The following COL4A5 variants were observed in gnomAD, a reference collection of about 807,000 sequenced individuals.
COL4A5 encodes the protein collagen alpha-5(IV) chain.
Under a neutral mutation model 130.2 loss-of-function variants are expected in COL4A5, and 26 were observed. That is an observed-to-expected ratio of 0.20 (90% CI 0.15 to 0.28). The LOEUF (loss-of-function observed/expected upper bound fraction) is 0.28, where lower values mean the gene tolerates loss of function less well. Among genes scored for constraint, COL4A5 ranks in the 10% least tolerant of loss-of-function variants. The pLI, the probability that COL4A5 is intolerant of heterozygous loss-of-function variation, is 1.00. For synonymous variants in COL4A5, 496 were observed against 439.6 expected, an observed-to-expected ratio of 1.13 and a Z score of -1.60; for missense variants, 1,131 against 1,344.3, an observed-to-expected ratio of 0.84 and a Z score of 2.48.
Position 108,666,744 on chromosome X carries a change from T to A in COL4A5, c.3553+150T>A, listed in dbSNP as rs1371750972. ...TTCCTAGTTACCGTCTTCCTCTTCATCCTGAGACTATTAGCTCATGTATCT... is the reference window on the plus strand; with the variant it reads ...TTCCTAGTTACCGTCTTCCTCTTCAACCTGAGACTATTAGCTCATGTATCT... On this transcript the variant is annotated intron_variant, in intron 39 of 52. Coordinates refer to ENST00000328300, the MANE Select transcript of COL4A5 (RefSeq NM_033380.3). The A allele has an allele frequency of 1.5e-5, 8 of 522,193 alleles. No homozygotes were observed. The East Asian group carries it at 2.9e-4, about 19-fold the overall frequency. The allele number at this position is 522,193 out of a possible 1,213,427, so 43.0% of individuals were successfully genotyped here. A position where few individuals can be genotyped will look rare whatever the true frequency, so the allele number is the denominator to read the frequency against.
intron 1 of COL4A5, among the ~76,000 whole-genome samples, chrX:108,444,385 A>G (rs758523760): frequency 2.5e-4 from 27 of 110,150 alleles, no homozygotes; most frequent in Non-Finnish European, 4.6e-4. Flanking sequence ...ATGCCGGGCT[A>G]ATTTTTTGCA....
chrX:108,650,212 A>G (rs908808935), intron 36 of COL4A5, among the ~76,000 whole-genome samples: 27 of 111,926 alleles, frequency 2.4e-4, no homozygotes, highest in African/African-American at 8.4e-4. Context: ...GCAAATCAAA[A>G]CCGCAATGCA....
At chrX:108,624,421 C>T (rs966392573) in intron 34 of COL4A5, 87 bp downstream of exon 34, 5 of 792,079 alleles carry the variant, frequency 6.3e-6, no homozygotes, top group African/African-American at 2.0e-5. Flanking sequence ...TTTGAAGATG[C>T]TGTGGATTTG....
At chrX:108,582,808 A>G (rs1486535928) in intron 16 of COL4A5, 76 bp from the exon 17 acceptor site, 4 of 842,157 alleles carry the variant, frequency 4.7e-6, no homozygotes, top group African/African-American at 2.1e-5. Context: ...CATTGCTTCT[A>G]TGGAGAAGAC....
chrX:108,595,439 T>G, intron 21 of COL4A5, 70 bp from the exon 22 acceptor site: 2 of 968,407 alleles, frequency 2.1e-6, no homozygotes, highest in Non-Finnish European at 3.0e-6. Context: ...GCTAACATTT[T>G]TAGAACCTAT....
intron 1 of COL4A5, among the ~76,000 whole-genome samples, chrX:108,515,373 G>A (rs950770406): frequency 8.9e-6 from 1 of 111,863 alleles, no homozygotes; most frequent in African/African-American, 3.2e-5. Context: ...TCAACAAGAG[G>A]CGAAGCAGCA....
At chrX:108,628,150 A>G (rs764789177) in intron 36 of COL4A5, among the ~76,000 whole-genome samples, 1 of 110,615 alleles carries the variant, frequency 9.0e-6, no homozygotes, top group African/African-American at 3.3e-5. Context: ...ATGGGGGTTC[A>G]CTATAAATAA....
chrX:108,513,059 A>T (rs757071838), intron 1 of COL4A5, among the ~76,000 whole-genome samples: 31 of 111,909 alleles, frequency 2.8e-4, no homozygotes, highest in African/African-American at 1.0e-3. Context: ...GTTTCTGTAT[A>T]TTGTGAATAA....
intron 1 of COL4A5, among the ~76,000 whole-genome samples, chrX:108,445,668 G>C (rs751984341): frequency 9.0e-6 from 1 of 111,453 alleles, no homozygotes; most frequent in Admixed American, 9.6e-5. Context: ...GGTCTTATAG[G>C]CATTTTGTTT....
chrX:108,629,316 T>A (rs1221113993), intron 36 of COL4A5, among the ~76,000 whole-genome samples: 1 of 111,655 alleles, frequency 9.0e-6, no homozygotes, highest in Non-Finnish European at 1.9e-5. Context: ...TACATTAATT[T>A]TAAGAACTAT....
chrX:108,484,700 C>T (rs1213343815), intron 1 of COL4A5, among the ~76,000 whole-genome samples: 1 of 112,802 alleles, frequency 8.9e-6, no homozygotes, highest in Admixed American at 9.3e-5. Flanking sequence ...GATGTGTTGA[C>T]ACAAGCACCC....
intron 1 of COL4A5, chrX:108,442,915 G>A (rs747753665): frequency 5.4e-5 from 6 of 111,752 alleles, no homozygotes; most frequent in Non-Finnish European, 1.1e-4. Flanking sequence ...AATTACAGAC[G>A]TTGAATACAT....
chrX:108,500,833 A>G, intron 1 of COL4A5, among the ~76,000 whole-genome samples: 1 of 111,665 alleles, frequency 9.0e-6, no homozygotes, highest in Admixed American at 9.6e-5. Context: ...GACTTTTTAA[A>G]GGTGCATACA....
chrX:108,570,619 C>T (rs1022101355), intron 6 of COL4A5, among the ~76,000 whole-genome samples: 3 of 111,488 alleles, frequency 2.7e-5, no homozygotes, highest in Non-Finnish European at 5.7e-5. Context: ...AGGTTTTTTT[C>T]TTTTTCTGTC....
chrX:108,616,104 C>G (rs1275712573), intron 30 of COL4A5, among the ~76,000 whole-genome samples: 2 of 111,656 alleles, frequency 1.8e-5, no homozygotes, highest in Admixed American at 9.5e-5. Context: ...TTGCTTTGAA[C>G]CAGGTTGTTA....
intron 29 of COL4A5, among the ~76,000 whole-genome samples, chrX:108,608,114 T>G (rs937137190): frequency 9.0e-6 from 1 of 111,528 alleles, no homozygotes; most frequent in Non-Finnish European, 1.9e-5. Context: ...AATTAAAGGG[T>G]AAATGCATCT....
At chrX:108,696,158 A>T in intron 52 of COL4A5, 139 bp from the exon 53 acceptor site, 1 of 531,709 alleles carries the variant, frequency 1.9e-6, no homozygotes, top group Non-Finnish European at 3.4e-6. Context: ...GCATTAGATC[A>T]TATTGCTGAA....
At position 108,626,279 on chromosome X, in the gene COL4A5, C is replaced by T. The variant is rs1398716639; in HGVS notation, c.3176C>T (p.Pro1059Leu). The change falls in exon 36 of 53, where the codon CCT becomes CTT. Residue 1059 changes from proline to leucine, a missense_variant. Pro to Leu is a moderately conservative substitution (Grantham distance 98, BLOSUM62 -3). Coordinates refer to ENST00000328300, the MANE Select transcript of COL4A5 (RefSeq NM_033380.3). ...GGACAACCTGGCTCCCCAGGATTACCTGGACAGAAAGGCGACAAAGGTGAT... is the reference window on the plus strand; with the variant it reads ...GGACAACCTGGCTCCCCAGGATTACTTGGACAGAAAGGCGACAAAGGTGAT... ...VPGQPGSPGLPGQKGDKGDPG... is the reference protein window; with the variant it reads ...VPGQPGSPGLLGQKGDKGDPG... The T allele has an allele frequency of 8.3e-7, 1 of 1,208,840 alleles. No individual in the cohort carries two copies. Among genetic ancestry groups the T allele is most frequent in the Non-Finnish European group, 1.1e-6 (1 of 894,645 alleles).
intron 30 of COL4A5, among the ~76,000 whole-genome samples, chrX:108,619,945 C>T (rs891496143): frequency 8.9e-6 from 1 of 112,122 alleles, no homozygotes; most frequent in East Asian, 2.8e-4. Context: ...TATTTTGCAT[C>T]TTTGGCTTTT....
Sources: gnomAD v4.1 joint callset for allele counts (sites outside exome capture counted in the v4.1 genomes callset) on GRCh38, gnomAD v4.1.1 for gene constraint, MANE v1.5 for transcripts, NCBI Gene and HGNC (gene_info 2026-07-23, HGNC 2026-07-21) for gene names.